The following PTPRD variants were observed in gnomAD, a reference collection of about 807,000 sequenced individuals.
PTPRD encodes receptor-type tyrosine-protein phosphatase delta.
PTPRD carries 34 observed loss-of-function variants against 214.5 expected under a neutral mutation model. The observed-to-expected ratio is 0.16, with a 90% CI of 0.12 to 0.21. The LOEUF is 0.21. Ranked by LOEUF, PTPRD falls within the 10% of genes least tolerant of loss-of-function variation. PTPRD has a pLI of 1.00. For synonymous variants in PTPRD, 1,128 were observed against 845.7 expected (o/e 1.33, Z -5.79); for missense variants, 2,545 against 2,398.7 (o/e 1.06, Z -1.27).
chr9:9,266,445 C>T (rs1298242937), intron 9 of PTPRD, among the ~76,000 whole-genome samples: 1 of 151,108 alleles, frequency 6.6e-6, no homozygotes, highest in Non-Finnish European at 1.5e-5. Flanking sequence ...TAGCAGAATA[C>T]ACATTCTTCC....
chr9:9,051,473 A>G (rs141172471), intron 10 of PTPRD, among the ~76,000 whole-genome samples: 2 of 152,290 alleles, frequency 1.3e-5, no homozygotes, highest in African/African-American at 4.8e-5. Context: ...TGTGAAATCC[A>G]ACCTTGGTGT....
At chr9:9,989,758 C>A (rs1042967205) in intron 4 of PTPRD, among the ~76,000 whole-genome samples, 1 of 152,174 alleles carries the variant, frequency 6.6e-6, no homozygotes, top group African/African-American at 2.4e-5. Context: ...GTGACACACA[C>A]CCGCTGGGGC....
At chr9:9,957,414 A>T (rs6477427) in intron 4 of PTPRD, among the ~76,000 whole-genome samples, 3 of 151,852 alleles carry the variant, frequency 2.0e-5, no homozygotes, top group African/African-American at 7.3e-5. Context: ...TTAATGTTTC[A>T]AAGGAAAAAA....
intron 8 of PTPRD, among the ~76,000 whole-genome samples, chr9:9,559,896 G>T (rs925589503): frequency 3.3e-5 from 5 of 152,170 alleles, no homozygotes; most frequent in African/African-American, 1.2e-4. Flanking sequence ...GCAGACAGAG[G>T]TTTCACTTCC....
At chr9:10,351,341 C>A (rs1446890890) in intron 2 of PTPRD, among the ~76,000 whole-genome samples, 3 of 152,000 alleles carry the variant, frequency 2.0e-5, no homozygotes, top group African/African-American at 7.2e-5. Context: ...CCACACATTG[C>A]CTATCATATG....
intron 14 of PTPRD, among the ~76,000 whole-genome samples, chr9:8,556,932 C>T (rs1259726753): frequency 6.6e-6 from 1 of 152,100 alleles, no homozygotes; most frequent in Non-Finnish European, 1.5e-5. Flanking sequence ...CCTTTATAGT[C>T]CTTATATGCA....
chr9:8,533,757 T>A (rs2076271819), intron 14 of PTPRD, among the ~76,000 whole-genome samples: 1 of 152,044 alleles, frequency 6.6e-6, no homozygotes, highest in Non-Finnish European at 1.5e-5. Context: ...GTTACTTTCT[T>A]CGTAACCTTC....
At chr9:8,618,926 T>C (rs1192961713) in intron 14 of PTPRD, among the ~76,000 whole-genome samples, 1 of 143,614 alleles carries the variant, frequency 7.0e-6, no homozygotes, top group Non-Finnish European at 1.5e-5. Context: ...TTTTTTTTTT[T>C]TTTTTTTTTT....
intron 34 of PTPRD, among the ~76,000 whole-genome samples, chr9:8,446,165 T>C (rs1033321471): frequency 1.3e-5 from 2 of 152,222 alleles, no homozygotes; most frequent in Non-Finnish European, 2.9e-5. Flanking sequence ...TGGATGGAAA[T>C]CTAACTTTTT....
At chr9:8,423,954 C>G (rs2094511149) in intron 35 of PTPRD, among the ~76,000 whole-genome samples, 1 of 152,052 alleles carries the variant, frequency 6.6e-6, no homozygotes, top group Admixed American at 6.6e-5. Flanking sequence ...TTCTGTTTGA[C>G]AAGCTTAGGA....
At chr9:9,386,768 T>C (rs995985143) in intron 9 of PTPRD, among the ~76,000 whole-genome samples, 3 of 152,046 alleles carry the variant, frequency 2.0e-5, no homozygotes, top group Non-Finnish European at 2.9e-5. Flanking sequence ...GAAAAAAAGA[T>C]AATAAAGGCA....
intron 9 of PTPRD, among the ~76,000 whole-genome samples, chr9:9,243,022 G>T (rs1410390679): frequency 6.6e-6 from 1 of 152,074 alleles, no homozygotes; most frequent in Non-Finnish European, 1.5e-5. Context: ...GGGTTTTGGT[G>T]TGGATATCCC....
intron 4 of PTPRD, among the ~76,000 whole-genome samples, chr9:9,966,571 G>T (rs1483156145): frequency 2.0e-5 from 3 of 152,056 alleles, no homozygotes; most frequent in Non-Finnish European, 4.4e-5. Flanking sequence ...ATTTTAAAAA[G>T]ATATGCCCTG....
chr9:10,442,219 A>T (rs2098764086), intron 2 of PTPRD, among the ~76,000 whole-genome samples: 1 of 151,604 alleles, frequency 6.6e-6, no homozygotes, highest in Non-Finnish European at 1.5e-5. Context: ...TTAAATCCTT[A>T]TTTTTAACCA....
intron 2 of PTPRD, among the ~76,000 whole-genome samples, chr9:10,415,990 T>C (rs1187261395): frequency 6.6e-6 from 1 of 151,850 alleles, no homozygotes; most frequent in East Asian, 1.9e-4. Context: ...CGAGTTTTAA[T>C]TCCAAAATTA....
At chr9:9,195,625 G>T (rs1333523179) in intron 9 of PTPRD, among the ~76,000 whole-genome samples, 1 of 151,498 alleles carries the variant, frequency 6.6e-6, no homozygotes, top group Non-Finnish European at 1.5e-5. Context: ...CCTTTCATTT[G>T]AATGGAGCAT....
intron 11 of PTPRD, among the ~76,000 whole-genome samples, chr9:8,782,596 CTTTTTTT>C (rs35513651): frequency 1.7e-5 from 2 of 117,364 alleles, no homozygotes; most frequent in Admixed American, 8.8e-5. Context: ...ATACTTAACG[CTTTTTTT>C]TTTTTTTTTT....
chr9:9,375,623 A>G (rs1043482083), intron 9 of PTPRD, among the ~76,000 whole-genome samples: 6 of 152,256 alleles, frequency 3.9e-5, no homozygotes, highest in African/African-American at 1.2e-4. Context: ...AAAACAAAAA[A>G]GAATGAAAAT....
At chr9:9,174,900 C>T (rs966704495) in intron 10 of PTPRD, among the ~76,000 whole-genome samples, 5 of 151,882 alleles carry the variant, frequency 3.3e-5, no homozygotes, top group Admixed American at 6.6e-5. Flanking sequence ...GCCTGATCAC[C>T]AGTGTGATGG....
Sources: gnomAD v4.1 joint callset for allele counts (sites outside exome capture counted in the v4.1 genomes callset) on GRCh38, gnomAD v4.1.1 for gene constraint, MANE v1.5 for transcripts, NCBI Gene and HGNC (gene_info 2026-07-23, HGNC 2026-07-21) for gene names.